The following KIF16B variants were observed in gnomAD, a reference collection of about 807,000 sequenced individuals.
KIF16B encodes kinesin family member 16B.
A neutral mutation model predicts 156.3 loss-of-function variants in KIF16B; 98 were observed. That is an observed-to-expected ratio of 0.63 (90% CI 0.53 to 0.74). The LOEUF (loss-of-function observed/expected upper bound fraction) is 0.74. Ranked by LOEUF, KIF16B falls within the 30% of genes least tolerant of loss-of-function variation. The probability of loss-of-function intolerance (pLI) is 0.00; values close to 1 mark genes in which losing one functional copy is unlikely to be tolerated. For missense variants in KIF16B, 1,421 were observed against 1,606.5 expected (o/e 0.88, Z 1.97); for synonymous variants, 564 against 583.7 (o/e 0.97, Z 0.49).
chr20:16,501,287 AC>A, intron 10 of KIF16B, among the ~76,000 whole-genome samples: 2 of 81,656 alleles, frequency 2.4e-5, no homozygotes, highest in Admixed American at 1.4e-4. Context: ...TTGGTTCAAT[AC>A]CAAGAATTGA....
chr20:16,427,958 A>G (rs928959019), intron 14 of KIF16B, among the ~76,000 whole-genome samples: 2 of 152,180 alleles, frequency 1.3e-5, no homozygotes, highest in African/African-American at 2.4e-5. Context: ...AGTACAAGCC[A>G]ACTAGTTTCC....
intron 22 of KIF16B, 90 bp downstream of exon 22, chr20:16,370,496 T>C: frequency 9.2e-7 from 1 of 1,088,918 alleles, no homozygotes; most frequent in Non-Finnish European, 1.3e-6. Flanking sequence ...CTCAAAATTC[T>C]AATTATGCAA....
intron 24 of KIF16B, among the ~76,000 whole-genome samples, chr20:16,317,004 G>T (rs1473402172): frequency 6.6e-6 from 1 of 152,170 alleles, no homozygotes; most frequent in Non-Finnish European, 1.5e-5. Context: ...GTTCAGAGAA[G>T]ATGTGATTCT....
intron 23 of KIF16B, among the ~76,000 whole-genome samples, chr20:16,344,137 ATGAG>A (rs2064188756): frequency 6.6e-6 from 1 of 152,228 alleles, no homozygotes; most frequent in African/African-American, 2.4e-5. Flanking sequence ...CAACATAACT[ATGAG>A]TGTGTCTGAG....
intron 25 of KIF16B, among the ~76,000 whole-genome samples, chr20:16,310,317 T>C (rs183342977): frequency 6.6e-6 from 1 of 152,326 alleles, no homozygotes; most frequent in Admixed American, 6.5e-5. Context: ...GGTTCAGTGA[T>C]GAAGCAGCAG....
At chr20:16,492,588 CA>C (rs1351064062) in intron 12 of KIF16B, among the ~76,000 whole-genome samples, 1 of 151,454 alleles carries the variant, frequency 6.6e-6, no homozygotes, top group Non-Finnish European at 1.5e-5. Flanking sequence ...CTTCAGGACC[CA>C]AAATCACCTT....
chr20:16,440,955 A>G (rs753019537), intron 12 of KIF16B, among the ~76,000 whole-genome samples: 11 of 152,238 alleles, frequency 7.2e-5, no homozygotes, highest in Non-Finnish European at 1.3e-4. Flanking sequence ...AATGCATAAT[A>G]CCAATTAAAG....
In KIF16B at chr20:16,383,067, C is replaced by T. The variant is rs112497095; in HGVS notation, c.1785-1320G>A. Among the ~76,000 whole-genome samples, 1,153 of 152,182 alleles carry T rather than the reference C, an allele frequency of 7.6e-3. 10 individuals carry two copies. The highest frequency in any genetic ancestry group is 0.025 in the East Asian group (132 of 5,178). On this transcript the variant is annotated intron_variant, in intron 17 of 25. Coordinates refer to ENST00000354981, the MANE Select transcript of KIF16B (RefSeq NM_024704.5). ...GGAGTGCAGTGGTGTGATCATGGCT[C>T]GTTGCAGCCTTGACCTCCTAGGCTC...
chr20:16,385,860 T>A (rs2065218543), intron 17 of KIF16B, among the ~76,000 whole-genome samples: 1 of 152,118 alleles, frequency 6.6e-6, no homozygotes, highest in African/African-American at 2.4e-5. Flanking sequence ...CCCTGTGAGG[T>A]CACTGTTCCC....
intron 23 of KIF16B, among the ~76,000 whole-genome samples, chr20:16,349,854 G>A (rs1295074629): frequency 6.6e-6 from 1 of 152,228 alleles, no homozygotes; most frequent in Non-Finnish European, 1.5e-5. Flanking sequence ...TTGGCCCTAA[G>A]TGTCTAGGGC....
intron 1 of KIF16B, among the ~76,000 whole-genome samples, chr20:16,561,675 G>T (rs2071069279): frequency 6.6e-6 from 1 of 151,940 alleles, no homozygotes; most frequent in Non-Finnish European, 1.5e-5. Context: ...ACGTAATCAA[G>T]GTCAACATCA....
intron 15 of KIF16B, among the ~76,000 whole-genome samples, chr20:16,411,074 C>G (rs913197337): frequency 6.6e-6 from 1 of 152,056 alleles, no homozygotes; most frequent in Non-Finnish European, 1.5e-5. Flanking sequence ...TAAGCAGATA[C>G]TTTATCACCA....
At chr20:16,389,716 G>C (rs147195158) in intron 17 of KIF16B, among the ~76,000 whole-genome samples, 233 of 152,308 alleles carry the variant, frequency 1.5e-3, no homozygotes, top group African/African-American at 5.3e-3. Flanking sequence ...TCCTAGCCTT[G>C]TGAACCTAAC....
intron 23 of KIF16B, 66 bp from the exon 24 acceptor site, chr20:16,336,081 G>T (rs1379332896): frequency 3.1e-6 from 3 of 954,976 alleles, no homozygotes; most frequent in Admixed American, 5.0e-5. Context: ...TTTTTCAAAA[G>T]AATTTAAAAA....
At chr20:16,287,834 G>A (rs1349225379) in intron 25 of KIF16B, among the ~76,000 whole-genome samples, 2 of 152,148 alleles carry the variant, frequency 1.3e-5, no homozygotes, top group South Asian at 4.1e-4. Context: ...GGGTGGAGGC[G>A]GGTGGAAAGA....
chr20:16,323,897 C>T (rs1293252995), intron 24 of KIF16B, among the ~76,000 whole-genome samples: 1 of 151,634 alleles, frequency 6.6e-6, no homozygotes, highest in Non-Finnish European at 1.5e-5. Flanking sequence ...AGCACTACAC[C>T]ATCTTTCAGT....
intron 24 of KIF16B, among the ~76,000 whole-genome samples, chr20:16,322,193 G>A (rs1372325956): frequency 6.6e-6 from 1 of 151,802 alleles, no homozygotes; most frequent in African/African-American, 2.4e-5. Context: ...CCAAAAAAGA[G>A]CCCACACAGC....
chr20:16,470,738 C>T (rs184994938), intron 12 of KIF16B, among the ~76,000 whole-genome samples: 213 of 151,482 alleles, frequency 1.4e-3, no homozygotes, highest in African/African-American at 4.3e-3. Flanking sequence ...CTCGAGCAAT[C>T]GGCCCAACTC....
intron 12 of KIF16B, among the ~76,000 whole-genome samples, chr20:16,453,110 A>AG (rs955326569): frequency 3.3e-5 from 5 of 151,708 alleles, no homozygotes; most frequent in African/African-American, 1.2e-4. Flanking sequence ...TTTACCAAAA[A>AG]AAAAAAAAAA....
Sources: allele counts gnomAD v4.1 joint callset (sites outside exome capture counted in the v4.1 genomes callset), GRCh38; gene constraint gnomAD v4.1.1; transcripts MANE v1.5; gene names NCBI Gene and HGNC (gene_info 2026-07-23, HGNC 2026-07-21).